TAF4B: variants seen among roughly 807,000 people sequenced by gnomAD.
TAF4B encodes TATA-box binding protein associated factor 4b.
TAF4B carries 38 observed loss-of-function variants against 86.4 expected under a neutral mutation model. The ratio of observed to expected loss-of-function variants is 0.44; its 90% CI spans 0.34 to 0.58. The LOEUF is 0.58. Among genes scored for constraint, TAF4B ranks in the 20% least tolerant of loss-of-function variants. The probability of loss-of-function intolerance (pLI) is 0.02; values close to 1 mark genes in which losing one functional copy is unlikely to be tolerated. For synonymous variants in TAF4B, 388 were observed against 391.2 expected, an observed-to-expected ratio of 0.99 and a Z score of 0.10; for missense variants, 988 against 1,027.6, an observed-to-expected ratio of 0.96 and a Z score of 0.53.
Position 26,337,958 on chromosome 18 carries a change from A to C in TAF4B, c.2316+2727A>C, listed in dbSNP as rs2057106320. Among the ~76,000 whole-genome samples the C allele has an allele frequency of 2.6e-5, 4 of 152,260 alleles. No homozygotes were observed. In the South Asian group the frequency reaches 8.3e-4, roughly 32 times the overall value. On this transcript the variant is annotated intron_variant, in intron 13 of 14. Coordinates refer to ENST00000269142, the MANE Select transcript of TAF4B (RefSeq NM_005640.3). ...TCTGTTTTCCCTTTCAAACCTACCT[A>C]CCAGGCTTGTCATAGAAAAAAAGAT...
chr18:26,243,621 T>G (rs1453570483), intron 1 of TAF4B, among the ~76,000 whole-genome samples: 1 of 152,208 alleles, frequency 6.6e-6, no homozygotes. Context: ...CTTCGTTCCA[T>G]TGCTGGTGAG....
At chr18:26,351,115 C>T (rs1189678460) in intron 13 of TAF4B, among the ~76,000 whole-genome samples, 5 of 152,210 alleles carry the variant, frequency 3.3e-5, no homozygotes, top group South Asian at 2.1e-4. Flanking sequence ...GGAATCAACC[C>T]AGGTGTTCAA....
intron 1 of TAF4B, among the ~76,000 whole-genome samples, chr18:26,238,485 G>A (rs768714815): frequency 3.9e-5 from 6 of 152,090 alleles, no homozygotes; most frequent in Non-Finnish European, 7.4e-5. Context: ...TCGGGCTTTG[G>A]GCAAAAATTA....
intron 12 of TAF4B, among the ~76,000 whole-genome samples, chr18:26,327,964 TC>T (rs2057018329): frequency 1.3e-5 from 2 of 152,354 alleles, no homozygotes; most frequent in African/African-American, 4.8e-5. Flanking sequence ...AAAAGCTAAT[TC>T]CACTACAGTT....
Position 26,315,326 on chromosome 18 carries a change from A to C in TAF4B, c.1930A>C (p.Thr644Pro). ...ILATNSELVG[T>P]LIQSCKDEPF... ...AGCAACAAACTCTGAATTGGTTGGC[A>C]CACTCATTCAGTCATGTAAAGATGA... Residue 644 changes from threonine to proline, a missense_variant, in exon 10 of 15, where the codon ACA becomes CCA. Thr to Pro is a conservative substitution (Grantham distance 38). Coordinates refer to ENST00000269142, the MANE Select transcript of TAF4B (RefSeq NM_005640.3). 1 of 1,613,774 alleles carries C rather than the reference A, an allele frequency of 6.2e-7. No homozygotes were observed. Among genetic ancestry groups the C allele is most frequent in the East Asian group, 2.2e-5 (1 of 44,838 alleles).
intron 9 of TAF4B, chr18:26,305,019 A>C: frequency 2.1e-6 from 1 of 467,952 alleles, no homozygotes; most frequent in Non-Finnish European, 2.8e-6. Context: ...TTTTTTGTTT[A>C]ACTTGGAAAT....
At chr18:26,304,197 T>C (rs1171217298) in intron 9 of TAF4B, among the ~76,000 whole-genome samples, 6 of 148,810 alleles carry the variant, frequency 4.0e-5, no homozygotes, top group Non-Finnish European at 8.9e-5. Context: ...TTTGAAGATG[T>C]TATTCCATTG....
In TAF4B at chr18:26,292,283, T is replaced by G; in HGVS notation, c.1628T>G (p.Val543Gly). Reference sequence around the variant, plus strand: ...CCTTCAGGAGGCAATGAAAAACAAGTGACCACAATTTCACATTCCTCAACA... The same window carrying G: ...CCTTCAGGAGGCAATGAAAAACAAGGGACCACAATTTCACATTCCTCAACA... ...QQPSGGNEKQ[V>G]TTISHSSTLT... is the part of the protein sequence containing the mutation. The change falls in exon 8 of 15, where the codon GTG becomes GGG. Residue 543 changes from valine (V) to glycine (G), a missense_variant. This residue lies in a region of TAF4B where 747 missense variants were observed against 737.9 expected (regional missense o/e 1.01). Coordinates refer to ENST00000269142, the MANE Select transcript of TAF4B (RefSeq NM_005640.3). 1 of 1,614,110 alleles carries G rather than the reference T, an allele frequency of 6.2e-7. No homozygotes were observed. Among genetic ancestry groups the G allele is most frequent in the Non-Finnish European group, 8.5e-7 (1 of 1,180,008 alleles).
intron 3 of TAF4B, among the ~76,000 whole-genome samples, chr18:26,272,275 A>G (rs1250434645): frequency 6.6e-6 from 1 of 152,216 alleles, no homozygotes; most frequent in African/African-American, 2.4e-5. Context: ...GTTCACGAGA[A>G]GGTTCATGCT....
chr18:26,231,718 G>C (rs1440688947), intron 1 of TAF4B, among the ~76,000 whole-genome samples: 1 of 152,058 alleles, frequency 6.6e-6, no homozygotes, highest in Non-Finnish European at 1.5e-5. Flanking sequence ...TGGTCTTGCT[G>C]ACTTCAAGAA....
chr18:26,280,170 T>C (rs2056430951), intron 5 of TAF4B, among the ~76,000 whole-genome samples: 2 of 152,250 alleles, frequency 1.3e-5, no homozygotes, highest in Non-Finnish European at 2.9e-5. Flanking sequence ...TAACTTGAGA[T>C]GGATTAAAGA....
chr18:26,290,176 G>T (rs1027025328), intron 7 of TAF4B, among the ~76,000 whole-genome samples: 1 of 152,050 alleles, frequency 6.6e-6, no homozygotes, highest in African/African-American at 2.4e-5. Context: ...GTTTCATTTT[G>T]TTGCCTAGCC....
intron 14 of TAF4B, among the ~76,000 whole-genome samples, chr18:26,360,423 C>A (rs2057320727): frequency 6.6e-6 from 1 of 152,152 alleles, no homozygotes; most frequent in South Asian, 2.1e-4. Flanking sequence ...TTTTCCCTAG[C>A]CCCATTTTCT....
chr18:26,315,459 C>A, intron 10 of TAF4B, 61 bp downstream of exon 10: 1 of 1,350,856 alleles, frequency 7.4e-7, no homozygotes, highest in Non-Finnish European at 9.9e-7. Context: ...AAAATATTAT[C>A]AAAAGAGACA....
chr18:26,266,869 A>AGC (rs1239691592), intron 2 of TAF4B: 19 of 137,108 alleles, frequency 1.4e-4, no homozygotes, highest in African/African-American at 6.3e-4. Flanking sequence ...CTCAAAACAA[A>AGC]ACAAAAAAAA....
In TAF4B at chr18:26,321,142, T is replaced by C; in HGVS notation, c.2075T>C (p.Leu692Pro). Residue 692 changes from leucine (L) to proline (P), a missense_variant, in exon 11 of 15, where the codon CTA (leucine) becomes CCA (proline). Around this residue, in one of 3 missense-constraint regions of TAF4B, gnomAD observed 216 missense variants for 238.4 expected, o/e 0.91. Transcript: ENST00000269142. ...ATCTCCCAAGCAACACAGGAACGAC[T>C]ACGAGGCCTTCTAGAAAAACTGACT... ...NLISQATQER[L>P]RGLLEKLTAI... 1 of 1,613,886 alleles carries C rather than the reference T, an allele frequency of 6.2e-7. No individual in the cohort carries two copies. Among genetic ancestry groups the C allele is most frequent in the Non-Finnish European group, 8.5e-7 (1 of 1,179,850 alleles).
intron 13 of TAF4B, among the ~76,000 whole-genome samples, chr18:26,356,648 C>T (rs952096537): frequency 6.6e-6 from 1 of 152,026 alleles, no homozygotes; most frequent in African/African-American, 2.4e-5. Flanking sequence ...TGACTGTCAA[C>T]CAGCCCCAGA....
At chr18:26,307,981 G>A (rs997763225) in intron 9 of TAF4B, among the ~76,000 whole-genome samples, 7 of 152,046 alleles carry the variant, frequency 4.6e-5, no homozygotes, top group African/African-American at 7.2e-5. Context: ...GTGGTGGTGC[G>A]CCTGTAGTCC....
chr18:26,385,648 C>T (rs1381746187), intron 14 of TAF4B, among the ~76,000 whole-genome samples: 1 of 150,216 alleles, frequency 6.7e-6, no homozygotes, highest in African/African-American at 2.4e-5. Flanking sequence ...CCGAAGTGAA[C>T]AGTACACTAA....
Sources: allele counts gnomAD v4.1 joint callset (sites outside exome capture counted in the v4.1 genomes callset), GRCh38; gene constraint gnomAD v4.1.1; regional missense constraint gnomAD v4.1.1; transcripts MANE v1.5; gene names NCBI Gene and HGNC (gene_info 2026-07-23, HGNC 2026-07-21).